Variants in CPLANE1 observed in about 807,000 individuals in gnomAD.
CPLANE1 encodes ciliogenesis and planar polarity effector complex subunit 1.
A neutral mutation model predicts 362.5 loss-of-function variants in CPLANE1; 263 were observed. That is an observed-to-expected ratio of 0.73 (90% CI 0.66 to 0.80). The LOEUF (loss-of-function observed/expected upper bound fraction) is 0.80, where lower values mean the gene tolerates loss of function less well. CPLANE1 is among the 30% of genes least tolerant of loss of function. The probability of loss-of-function intolerance (pLI) is 0.00; values close to 1 mark genes in which losing one functional copy is unlikely to be tolerated. For synonymous variants in CPLANE1, 1,212 were observed against 1,302.6 expected (o/e 0.93, Z 1.50); for missense variants, 3,461 against 3,793.4 (o/e 0.91, Z 2.30).
At chr5:37,077,337 G>A in the CPLANE1 span, among the ~76,000 whole-genome samples, 1 of 152,032 alleles carries the variant, frequency 6.6e-6, no homozygotes, top group African/African-American at 2.4e-5. Context: ...TGAGTCTCAA[G>A]TTCACTTTTC....
rs542192591 is a variant in CPLANE1, at chr5:37,107,854, C to T, written c.9580-76G>A. 447 of 1,453,552 alleles carry T rather than the reference C, an allele frequency of 3.1e-4. 4 individuals carry two copies. The Middle Eastern group carries it at 0.016, about 52-fold the overall frequency. The allele number at this position is 1,453,552 out of a possible 1,614,324, so 90.0% of individuals were successfully genotyped here. A position where few individuals can be genotyped will look rare whatever the true frequency, so the allele number is the denominator to read the frequency against. On this transcript the variant is annotated intron_variant, in intron 52 of 52. Transcript: ENST00000651892. ...AAAACAAAAACAAAAAAACCTGGAA[C>T]GTGAACTAAGCTTTCCAAAAATTCT... is the stretch of plus-strand genomic sequence containing the variant.
chr5:37,157,884 T>C lies in CPLANE1; in HGVS notation c.7813-16A>G. 1 of 1,162,020 alleles carries C rather than the reference T, an allele frequency of 8.6e-7. No homozygotes were observed. The highest frequency in any genetic ancestry group is 1.4e-5 in the South Asian group (1 of 72,054). The allele number at this position is 1,162,020 out of a possible 1,614,324, so 72.0% of individuals were successfully genotyped here. A position where few individuals can be genotyped will look rare whatever the true frequency, so the allele number is the denominator to read the frequency against. On this transcript the variant is annotated splice_polypyrimidine_tract_variant and intron_variant, in intron 39 of 52. Coordinates refer to ENST00000651892, the MANE Select transcript of CPLANE1 (RefSeq NM_001384732.1). ...TATGTCCAACCTGAGCCAAAACACA[T>C]AAAACCAAAGAGGGTTACATTCTTT... is the stretch of plus-strand genomic sequence containing the variant.
chr5:37,170,258 T>C lies in CPLANE1; in HGVS notation c.6245A>G (p.Gln2082Arg), dbSNP rs1224595164. Reference sequence around the variant, plus strand: ...CACAGACTGAGACTGCTGTACAAGTTGTTGTGTATCTGGGAGATTAGCAAA... The same window carrying C: ...CACAGACTGAGACTGCTGTACAAGTCGTTGTGTATCTGGGAGATTAGCAAA... ...SSFANLPDTQ[Q>R]LVQQSQSVHL... Residue 2082 changes from glutamine to arginine, a missense_variant, in exon 33 of 53, where the codon CAA becomes CGA. Physicochemically the swap from Gln to Arg is conservative, Grantham distance 43. Transcript: ENST00000651892. 1 of 1,614,130 alleles carries C rather than the reference T, an allele frequency of 6.2e-7. No individual in the cohort carries two copies. Among genetic ancestry groups the C allele is most frequent in the Admixed American group, 1.7e-5 (1 of 60,024 alleles).
rs529288903 is a variant in CPLANE1, at chr5:37,154,049, T to C, written c.8120-56A>G. 3.4e-5 allele frequency: 49 copies of C among 1,453,448 alleles called. No individual in the cohort carries two copies. In the East Asian group the frequency reaches 7.7e-4, roughly 23 times the overall value. 90.0% of individuals were successfully genotyped at this position (1,453,448 alleles called of 1,614,324 possible). Reference sequence around the variant, plus strand: ...GATTATAATTAAAGAAGAGGTATTATTGATGATCTCATTTTTTGATGACTT... The same window carrying C: ...GATTATAATTAAAGAAGAGGTATTACTGATGATCTCATTTTTTGATGACTT... On this transcript the variant is annotated intron_variant, in intron 41 of 52. Coordinates refer to ENST00000651892, the MANE Select transcript of CPLANE1 (RefSeq NM_001384732.1).
intron 15 of CPLANE1, among the ~76,000 whole-genome samples, chr5:37,217,957 T>TGACAAG (rs1015186193): frequency 6.6e-6 from 1 of 151,650 alleles, no homozygotes; most frequent in Non-Finnish European, 1.5e-5. Flanking sequence ...TCCAGCCTGG[T>TGACAAG]GACAAGAGCG....
At chr5:37,217,775 G>A (rs566184430) in intron 15 of CPLANE1, among the ~76,000 whole-genome samples, 5 of 151,572 alleles carry the variant, frequency 3.3e-5, no homozygotes, top group South Asian at 4.2e-4. Flanking sequence ...TCAGGAGTTC[G>A]ATACCAGCCT....
chr5:37,179,514 AG>A lies in CPLANE1; in HGVS notation c.5738-72del, dbSNP rs1782103345. On this transcript the variant is annotated intron_variant, in intron 28 of 52. Coordinates refer to ENST00000651892, the MANE Select transcript of CPLANE1 (RefSeq NM_001384732.1). ...AAGCTATTGACTTTTTAGGGGGCTCAGGGAATATTACCAGAAACAATATAAT... is the reference window on the plus strand; with the variant it reads ...AAGCTATTGACTTTTTAGGGGGCTCAGGAATATTACCAGAAACAATATAAT... The A allele has an allele frequency of 7.6e-6, 7 of 926,668 alleles. 1 individual carries two copies. The highest frequency in any genetic ancestry group is 4.4e-4 in the Middle Eastern group (2 of 4,584). 57.4% of individuals were successfully genotyped at this position (926,668 alleles called of 1,614,324 possible).
intron 16 of CPLANE1, chr5:37,212,500 A>T (rs1792895761): frequency 8.4e-6 from 5 of 597,500 alleles, no homozygotes; most frequent in African/African-American, 7.5e-5. Flanking sequence ...TAATCCAAAA[A>T]AAAAAAAAAG....
intron 47 of CPLANE1, 55 bp from the exon 48 acceptor site, chr5:37,122,543 A>T: frequency 1.5e-6 from 2 of 1,315,576 alleles, no homozygotes; most frequent in Non-Finnish European, 2.2e-6. Context: ...TAATTAAACC[A>T]TTACACATAA....
intron 24 of CPLANE1, among the ~76,000 whole-genome samples, chr5:37,185,975 C>T (rs964932740): frequency 1.3e-4 from 20 of 152,264 alleles, no homozygotes; most frequent in African/African-American, 4.3e-4. Flanking sequence ...TCTGAATACA[C>T]ATCATAAAGC....
At chr5:37,114,109 C>A (rs1419176190) in intron 51 of CPLANE1, among the ~76,000 whole-genome samples, 1 of 152,120 alleles carries the variant, frequency 6.6e-6, no homozygotes, top group African/African-American at 2.4e-5. Flanking sequence ...CCGCGCCCAG[C>A]CAAATTAGTG....
chr5:37,210,917 T>C (rs557821532), intron 16 of CPLANE1: 115 of 780,390 alleles, frequency 1.5e-4, no homozygotes, highest in Non-Finnish European at 2.4e-4. Flanking sequence ...TTGAGCATAC[T>C]ACACAGTTGA....
chr5:37,083,411 G>A, the CPLANE1 span, among the ~76,000 whole-genome samples: 1 of 152,078 alleles, frequency 6.6e-6, no homozygotes, highest in Non-Finnish European at 1.5e-5. Flanking sequence ...CACCAGCAAT[G>A]GGCACAAACC....
At chr5:37,183,774 A>G in intron 25 of CPLANE1, 75 bp from the exon 26 acceptor site, 2 of 1,039,336 alleles carry the variant, frequency 1.9e-6, no homozygotes. Flanking sequence ...ATTGACATGG[A>G]AAATTCTCTC....
At chr5:37,186,056 G>A (rs889740732) in intron 24 of CPLANE1, among the ~76,000 whole-genome samples, 2 of 152,228 alleles carry the variant, frequency 1.3e-5, no homozygotes, top group African/African-American at 2.4e-5. Flanking sequence ...GCCTAAGATC[G>A]CACAGTTACT....
the CPLANE1 span, among the ~76,000 whole-genome samples, chr5:37,080,835 C>T: frequency 1.6e-3 from 249 of 152,204 alleles, 1 homozygote; most frequent in Non-Finnish European, 2.5e-3. Flanking sequence ...TAAACCCATA[C>T]GATGCACAGG....
intron 51 of CPLANE1, among the ~76,000 whole-genome samples, chr5:37,111,996 A>G (rs1368027573): frequency 6.6e-6 from 1 of 152,180 alleles, no homozygotes; most frequent in Non-Finnish European, 1.5e-5. Context: ...TTCAAAGTAG[A>G]TGGGAACAAG....
chr5:37,080,968 G>C, the CPLANE1 span, among the ~76,000 whole-genome samples: 3 of 152,124 alleles, frequency 2.0e-5, no homozygotes, highest in African/African-American at 7.2e-5. Context: ...CAACTTTTCA[G>C]AACAAGCCAA....
chr5:37,187,898 A>G, intron 21 of CPLANE1, 56 bp from the exon 22 acceptor site: 1 of 1,204,814 alleles, frequency 8.3e-7, no homozygotes, highest in East Asian at 2.4e-5. Flanking sequence ...CATTAATATT[A>G]TAACAACTCC....
Sources: gnomAD v4.1 joint callset for allele counts (sites outside exome capture counted in the v4.1 genomes callset) on GRCh38, gnomAD v4.1.1 for gene constraint, MANE v1.5 for transcripts, NCBI Gene and HGNC (gene_info 2026-07-23, HGNC 2026-07-21) for gene names.